PKN2: variants seen among roughly 807,000 people sequenced by gnomAD.
The protein encoded by PKN2 is protein kinase N2.
In PKN2, 38 loss-of-function variants were observed where a neutral mutation model predicts 119.1. The ratio of observed to expected loss-of-function variants is 0.32; its 90% CI spans 0.25 to 0.42. PKN2 has a LOEUF of 0.42. Among genes scored for constraint, PKN2 ranks in the 10% least tolerant of loss-of-function variants. PKN2 has a pLI of 1.00. For synonymous variants in PKN2, 390 were observed against 384.9 expected, an observed-to-expected ratio of 1.01 and a Z score of -0.15; for missense variants, 850 against 1,165.1, an observed-to-expected ratio of 0.73 and a Z score of 3.94.
chr1:88,707,329 T>C (rs1341579494), intron 1 of PKN2, among the ~76,000 whole-genome samples: 3 of 152,130 alleles, frequency 2.0e-5, no homozygotes, highest in Admixed American at 2.0e-4. Context: ...TTATATTCTT[T>C]TACAAGTTTT....
At position 88,833,156 on chromosome 1, in the gene PKN2, G is replaced by A. The variant is rs188265897; in HGVS notation, c.2750G>A (p.Arg917Gln). ...AEDVKKHPFF[R>Q]LIDWSALMDK... ...GATGTAAAAAAGCACCCATTTTTCC[G>A]GGTAAGTGTGACTATTTAAAATTTT... The change falls in exon 21 of 22, where the codon CGG becomes CAG. Residue 917 changes from arginine to glutamine, a missense_variant and splice_region_variant. Arg to Gln is a conservative substitution (Grantham distance 43). Coordinates refer to ENST00000370521, the MANE Select transcript of PKN2 (RefSeq NM_006256.4). 148 of 1,612,286 alleles carry A rather than the reference G, an allele frequency of 9.2e-5. No individual in the cohort carries two copies. The highest frequency in any genetic ancestry group is 5.7e-4 in the South Asian group (52 of 90,930).
intron 19 of PKN2, among the ~76,000 whole-genome samples, chr1:88,831,910 T>C (rs1672745393): frequency 6.6e-6 from 1 of 152,068 alleles, no homozygotes; most frequent in Non-Finnish European, 1.5e-5. Context: ...GGCAGTCACA[T>C]TTGATAGACA....
At chr1:88,694,314 T>C (rs551504373) in intron 1 of PKN2, among the ~76,000 whole-genome samples, 3 of 152,318 alleles carry the variant, frequency 2.0e-5, no homozygotes, top group Admixed American at 6.5e-5. Flanking sequence ...ACCACTGATC[T>C]TTTTACAGTT....
intron 1 of PKN2, among the ~76,000 whole-genome samples, chr1:88,735,449 A>G (rs918117687): frequency 7.1e-6 from 1 of 141,170 alleles, no homozygotes; most frequent in African/African-American, 2.6e-5. Flanking sequence ...GATGTGAACC[A>G]TTGTTCCTGG....
intron 6 of PKN2, among the ~76,000 whole-genome samples, chr1:88,783,630 T>C (rs1670446274): frequency 6.6e-6 from 1 of 152,192 alleles, no homozygotes; most frequent in Non-Finnish European, 1.5e-5. Context: ...GAAATATTCC[T>C]CCTAAAATGT....
intron 7 of PKN2, 115 bp downstream of exon 7, chr1:88,784,939 T>G (rs576642350): frequency 2.0e-5 from 10 of 499,290 alleles, no homozygotes; most frequent in Middle Eastern, 5.4e-4. Context: ...TATAATTTAA[T>G]TAAAAAATAT....
At chr1:88,824,875 A>G (rs1672434813) in intron 18 of PKN2, among the ~76,000 whole-genome samples, 1 of 152,272 alleles carries the variant, frequency 6.6e-6, no homozygotes, top group Non-Finnish European at 1.5e-5. Flanking sequence ...TCATGGGCTT[A>G]GGCACTAAAC....
intron 1 of PKN2, among the ~76,000 whole-genome samples, chr1:88,713,292 T>G (rs1245194355): frequency 6.6e-6 from 1 of 152,104 alleles, no homozygotes; most frequent in Admixed American, 6.6e-5. Context: ...ATATACCCAG[T>G]TAATGGGATT....
intron 8 of PKN2, among the ~76,000 whole-genome samples, chr1:88,789,439 G>A (rs1316153499): frequency 6.6e-6 from 1 of 151,998 alleles, no homozygotes; most frequent in African/African-American, 2.4e-5. Flanking sequence ...GAGGCGGGCG[G>A]ATCTCCTGAG....
chr1:88,760,446 C>A, intron 3 of PKN2, 70 bp downstream of exon 3: 2 of 885,872 alleles, frequency 2.3e-6, no homozygotes, highest in Non-Finnish European at 3.4e-6. Flanking sequence ...ATAAATTTAC[C>A]TATTCAATAA....
chr1:88,828,650 A>T (rs1441151366), intron 19 of PKN2, 27 bp downstream of exon 19: 1 of 1,578,642 alleles, frequency 6.3e-7, no homozygotes, highest in Non-Finnish European at 8.7e-7. Flanking sequence ...AGGTAAGAGA[A>T]CAGAGGAAGG....
chr1:88,805,665 C>G lies in PKN2; in HGVS notation c.1670C>G (p.Pro557Arg). The part of the protein sequence containing the change: ...VDVRIPQLAP[P>R]ASDSTVTKLD... The stretch of plus-strand genomic sequence containing the variant: ...GTACGCATCCCTCAACTAGCACCTC[C>G]AGCTAGGTATGTGTCTGAGATTTTA... The change falls in exon 11 of 22, where the codon CCA becomes CGA. Residue 557 changes from proline (P) to arginine (R), a missense_variant. Around this residue, in one of 9 missense-constraint regions of PKN2, gnomAD observed 216 missense variants for 252.8 expected, o/e 0.85. Coordinates refer to ENST00000370521, the MANE Select transcript of PKN2 (RefSeq NM_006256.4). 1 of 1,613,926 alleles carries G rather than the reference C, an allele frequency of 6.2e-7. No individual in the cohort carries two copies. The highest frequency in any genetic ancestry group is 1.1e-5 in the South Asian group (1 of 91,066).
intron 6 of PKN2, among the ~76,000 whole-genome samples, chr1:88,781,952 C>T (rs143752354): frequency 9.8e-4 from 149 of 152,150 alleles, no homozygotes; most frequent in Non-Finnish European, 1.9e-3. Context: ...ATTGACACTC[C>T]ACCTCCCAAC....
chr1:88,820,182 ATATATATAT>A (rs1557634775), intron 16 of PKN2, among the ~76,000 whole-genome samples: 279 of 8,116 alleles, frequency 0.034, 14 homozygotes, highest in Middle Eastern at 0.17. Flanking sequence ...TCAGAAACCT[ATATATATAT>A]ATATATATAT....
intron 6 of PKN2, 143 bp from the exon 7 acceptor site, chr1:88,784,496 A>G (rs1350675330): frequency 7.0e-6 from 3 of 426,016 alleles, no homozygotes; most frequent in Non-Finnish European, 1.2e-5. Context: ...AGGAAAGATG[A>G]TAGCTACCTC....
At chr1:88,707,616 A>G (rs1007618069) in intron 1 of PKN2, among the ~76,000 whole-genome samples, 7 of 152,110 alleles carry the variant, frequency 4.6e-5, no homozygotes, top group African/African-American at 7.2e-5. Flanking sequence ...TTGATTGCCA[A>G]GTTGTTTTCC....
At chr1:88,815,435 T>A (rs1671946249) in intron 16 of PKN2, 1 of 354,078 alleles carries the variant, frequency 2.8e-6, no homozygotes, top group Non-Finnish European at 5.4e-6. Context: ...CTGTATTATC[T>A]TTTTCATATC....
chr1:88,764,588 G>A (rs1234727264), intron 3 of PKN2, among the ~76,000 whole-genome samples: 3 of 152,144 alleles, frequency 2.0e-5, no homozygotes, highest in African/African-American at 4.8e-5. Flanking sequence ...ATACCGCTTC[G>A]CTGCCCATTT....
chr1:88,722,053 T>A (rs1667701194), intron 1 of PKN2, among the ~76,000 whole-genome samples: 1 of 152,224 alleles, frequency 6.6e-6, no homozygotes, highest in Admixed American at 6.5e-5. Flanking sequence ...GGCATGGTGA[T>A]CAGATGCTCT....
Sources: allele counts gnomAD v4.1 joint callset (sites outside exome capture counted in the v4.1 genomes callset), GRCh38; gene constraint gnomAD v4.1.1; regional missense constraint gnomAD v4.1.1; transcripts MANE v1.5; gene names NCBI Gene and HGNC (gene_info 2026-07-23, HGNC 2026-07-21).